The following CAMK4 variants were observed in gnomAD, a reference collection of about 807,000 sequenced individuals.
The protein encoded by CAMK4 is calcium/calmodulin-dependent protein kinase type IV.
In CAMK4, 22 loss-of-function variants were observed where a neutral mutation model predicts 44.9. The observed-to-expected ratio is 0.49, with a 90% CI of 0.35 to 0.70. CAMK4 has a LOEUF of 0.70. Ranked by LOEUF, CAMK4 falls within the 30% of genes least tolerant of loss-of-function variation. CAMK4 has a pLI of 0.01. For synonymous variants in CAMK4, 218 were observed against 215.4 expected, an observed-to-expected ratio of 1.01 and a Z score of -0.11; for missense variants, 498 against 586.8, an observed-to-expected ratio of 0.85 and a Z score of 1.56.
At chr5:111,358,309 T>C (rs1318170038) in intron 2 of CAMK4, among the ~76,000 whole-genome samples, 1 of 152,096 alleles carries the variant, frequency 6.6e-6, no homozygotes, top group Non-Finnish European at 1.5e-5. Flanking sequence ...CATGGCTTGA[T>C]GTGATTCTTA....
rs1755610022 is a variant in CAMK4 at position 111,486,152 on chromosome 5, A to G, written c.*1686A>G. 6.6e-6 allele frequency: 1 copy of G among 152,076 alleles called. No homozygotes were observed. The highest frequency in any genetic ancestry group is 2.1e-4 in the South Asian group (1 of 4,826). 9.4% of individuals were successfully genotyped at this position (152,076 alleles called of 1,614,324 possible). A position where few individuals can be genotyped will look rare whatever the true frequency, so the allele number is the denominator to read the frequency against. On this transcript the variant is annotated 3_prime_UTR_variant, in exon 11 of 11. Transcript: ENST00000282356. ...AGTAGACATTCTTCTTTTCAATCACAAATCTCTCTCTACTACTGTTCTCAT... is the reference window on the plus strand; with the variant it reads ...AGTAGACATTCTTCTTTTCAATCACGAATCTCTCTCTACTACTGTTCTCAT...
intron 5 of CAMK4, among the ~76,000 whole-genome samples, chr5:111,429,962 A>G (rs1455675175): frequency 6.6e-6 from 1 of 151,182 alleles, no homozygotes; most frequent in Admixed American, 6.6e-5. Flanking sequence ...CTCCAAACTC[A>G]TTCTATGAGG....
chr5:111,469,789 T>C (rs1754999246), intron 7 of CAMK4, among the ~76,000 whole-genome samples: 1 of 152,230 alleles, frequency 6.6e-6, no homozygotes, highest in South Asian at 2.1e-4. Context: ...CCTCTCTTCT[T>C]GTTGAATGAT....
chr5:111,476,239 T>TTGTG (rs5870455), intron 8 of CAMK4, among the ~76,000 whole-genome samples: 3 of 132,874 alleles, frequency 2.3e-5, no homozygotes, highest in East Asian at 2.1e-4. Flanking sequence ...CTTTGCTTCT[T>TTGTG]TGTGTGTGTG....
chr5:111,330,525 A>C (rs1318748017), intron 1 of CAMK4, among the ~76,000 whole-genome samples: 4 of 151,594 alleles, frequency 2.6e-5, no homozygotes, highest in African/African-American at 9.7e-5. Context: ...TTTGGTAAAC[A>C]TCAGTGAATT....
At position 111,248,956 on chromosome 5, in the gene CAMK4, C is replaced by T. The variant is rs543281438; in HGVS notation, c.161+24312C>T. Among the ~76,000 whole-genome samples, 39 of 136,380 alleles carry T rather than the reference C, an allele frequency of 2.9e-4. 2 individuals carry two copies. In the South Asian group the frequency reaches 5.9e-3, roughly 21 times the overall value. 89.5% of individuals were successfully genotyped at this position (136,380 alleles called of 152,430 possible). On this transcript the variant is annotated intron_variant, in intron 1 of 10. Coordinates refer to ENST00000282356, the MANE Select transcript of CAMK4 (RefSeq NM_001744.6). ...AAATCCTCTGAGCTACTTCCTATTG[C>T]GGGGGCGGTGTGTGGGGGGGTCACC...
intron 1 of CAMK4, among the ~76,000 whole-genome samples, chr5:111,275,439 C>G (rs879476914): frequency 1.3e-5 from 2 of 152,058 alleles, no homozygotes; most frequent in African/African-American, 2.4e-5. Flanking sequence ...TATCATACAT[C>G]TTACTGTTTC....
chr5:111,425,486 T>C (rs563768759), intron 5 of CAMK4, among the ~76,000 whole-genome samples: 1 of 152,312 alleles, frequency 6.6e-6, no homozygotes, highest in African/African-American at 2.4e-5. Flanking sequence ...GTAGAACAGA[T>C]CCTTTTTCCT....
At chr5:111,350,353 G>C (rs893888183) in intron 2 of CAMK4, among the ~76,000 whole-genome samples, 2 of 151,988 alleles carry the variant, frequency 1.3e-5, no homozygotes, top group South Asian at 2.1e-4. Flanking sequence ...GTCAAACAGT[G>C]AGTAGCACAG....
intron 5 of CAMK4, among the ~76,000 whole-genome samples, chr5:111,430,892 G>C (rs1753417613): frequency 6.6e-6 from 1 of 151,982 alleles, no homozygotes; most frequent in Non-Finnish European, 1.5e-5. Context: ...GCAATCTACA[G>C]ATTCAGTGCA....
At chr5:111,309,676 A>G (rs1748115158) in intron 1 of CAMK4, among the ~76,000 whole-genome samples, 1 of 152,134 alleles carries the variant, frequency 6.6e-6, no homozygotes, top group Admixed American at 6.5e-5. Flanking sequence ...GGAGTTTTCC[A>G]GGTCCGGATC....
chr5:111,396,013 C>G (rs1216963908), intron 5 of CAMK4, among the ~76,000 whole-genome samples: 2 of 151,990 alleles, frequency 1.3e-5, no homozygotes, highest in African/African-American at 4.8e-5. Flanking sequence ...AGCACAGGTC[C>G]TATGAGTTTT....
At chr5:111,317,650 A>G (rs1012664873) in intron 1 of CAMK4, among the ~76,000 whole-genome samples, 3 of 152,068 alleles carry the variant, frequency 2.0e-5, no homozygotes, top group Admixed American at 6.6e-5. Flanking sequence ...TCATTTGTAG[A>G]TGAGTAATCT....
chr5:111,357,716 A>G (rs1333326822), intron 2 of CAMK4, among the ~76,000 whole-genome samples: 2 of 152,056 alleles, frequency 1.3e-5, no homozygotes, highest in Admixed American at 6.6e-5. Flanking sequence ...AAAATTAAGT[A>G]CTCACAACTC....
intron 2 of CAMK4, among the ~76,000 whole-genome samples, chr5:111,367,429 G>T (rs948971039): frequency 2.0e-5 from 3 of 151,926 alleles, no homozygotes; most frequent in Non-Finnish European, 4.4e-5. Context: ...TCCAACACAT[G>T]AACTTTTGGA....
chr5:111,412,232 T>C (rs1175061669), intron 5 of CAMK4, among the ~76,000 whole-genome samples: 1 of 152,176 alleles, frequency 6.6e-6, no homozygotes, highest in Non-Finnish European at 1.5e-5. Context: ...ATAGTAGATA[T>C]GGCAACAGAC....
At chr5:111,313,157 G>A (rs1031772399) in intron 1 of CAMK4, among the ~76,000 whole-genome samples, 2 of 152,018 alleles carry the variant, frequency 1.3e-5, no homozygotes, top group African/African-American at 4.8e-5. Flanking sequence ...CTCTGCAGGA[G>A]AGGGGGTCAT....
intron 1 of CAMK4, among the ~76,000 whole-genome samples, chr5:111,320,725 C>G (rs923557013): frequency 6.6e-6 from 1 of 152,094 alleles, no homozygotes; most frequent in Non-Finnish European, 1.5e-5. Flanking sequence ...AGGCTGGTCT[C>G]GAACTCCTGA....
Position 111,484,588 on chromosome 5 carries a change from A to G in CAMK4, c.*122A>G. On this transcript the variant is annotated 3_prime_UTR_variant, in exon 11 of 11. Transcript: ENST00000282356. This position sits in a 1 kb window ranked among gnomAD's most constrained non-coding sequence, Gnocchi z 5.3. ...TCTGTTTTTGAGGTGCAAAAAACATACATATATACCAGTTGGTAATTCTAA... is the reference window on the plus strand; with the variant it reads ...TCTGTTTTTGAGGTGCAAAAAACATGCATATATACCAGTTGGTAATTCTAA... The G allele has an allele frequency of 1.9e-6, 1 of 529,728 alleles. No homozygotes were observed. The highest frequency in any genetic ancestry group is 3.8e-5 in the Admixed American group (1 of 26,088). The allele number at this position is 529,728 out of a possible 1,614,324, so 32.8% of individuals were successfully genotyped here.
Sources: gnomAD v4.1 joint callset for allele counts (sites outside exome capture counted in the v4.1 genomes callset) on GRCh38, gnomAD v4.1.1 for gene constraint, Gnocchi (gnomAD v3.1) non-coding constraint, MANE v1.5 for transcripts, NCBI Gene and HGNC (gene_info 2026-07-23, HGNC 2026-07-21) for gene names.